The following CHAF1A variants were observed in gnomAD, a reference collection of about 807,000 sequenced individuals.
The protein encoded by CHAF1A is chromatin assembly factor 1 subunit A, also known as CAF-1 subunit A.
In CHAF1A, 5 loss-of-function variants were observed where a neutral mutation model predicts 93.2. The observed-to-expected ratio is 0.05, with a 90% CI of 0.03 to 0.11. The LOEUF is 0.11. CHAF1A is among the 10% of genes least tolerant of loss of function. The probability of loss-of-function intolerance (pLI) is 1.00; values close to 1 mark genes in which losing one functional copy is unlikely to be tolerated. For missense variants in CHAF1A, 1,102 were observed against 1,259.9 expected (o/e 0.87, Z 1.90); for synonymous variants, 504 against 510.3 (o/e 0.99, Z 0.17).
At chr19:4,450,770 A>G in the CHAF1A span, 1 of 149,842 alleles carries the variant, frequency 6.7e-6, no homozygotes, top group Non-Finnish European at 1.5e-5. Flanking sequence ...AAAAAAAAAA[A>G]AAAAAAAAAA....
chr19:4,425,544 A>G (rs1974066017), intron 7 of CHAF1A, among the ~76,000 whole-genome samples: 1 of 151,986 alleles, frequency 6.6e-6, no homozygotes, highest in Admixed American at 6.6e-5. Flanking sequence ...ACTGGGTCTC[A>G]CTGTGTTGCC....
At position 4,442,971 on chromosome 19, in the gene CHAF1A, G is replaced by A. The variant is rs200602305; in HGVS notation, c.2817G>A (p.Val939=). ...CCGCTTCCGGAGCTGGGGGTGGTGTGGGGGTGGACACCGGCAAGGCCACCC... is the reference window on the plus strand; with the variant it reads ...CCGCTTCCGGAGCTGGGGGTGGTGTAGGGGTGGACACCGGCAAGGCCACCC... ...CGAASGAGGG[V]GVDTGKATLT... Residue 939 remains valine (V), a synonymous_variant, in exon 15 of 15, where the codon GTG becomes GTA. Coordinates refer to ENST00000301280, the MANE Select transcript of CHAF1A (RefSeq NM_005483.3). The A allele has an allele frequency of 1.2e-6, 2 of 1,604,994 alleles. No homozygotes were observed. Among genetic ancestry groups the A allele is most frequent in the African/African-American group, 2.7e-5 (2 of 74,970 alleles).
intron 2 of CHAF1A, among the ~76,000 whole-genome samples, chr19:4,407,989 A>G (rs942281131): frequency 1.3e-5 from 2 of 152,046 alleles, no homozygotes; most frequent in Admixed American, 6.6e-5. Context: ...AGAAAAGGAT[A>G]GAATGAAAAG....
downstream of CHAF1A, chr19:4,447,042 C>T (rs984624938): frequency 1.0e-6 from 1 of 985,408 alleles, no homozygotes. Flanking sequence ...TGGATGGGGC[C>T]CAGCCCTGGG....
rs1322336439 is a variant in CHAF1A at position 4,429,705 on chromosome 19, C to T, written c.1774-3C>T. On this transcript the variant is annotated splice_region_variant and splice_polypyrimidine_tract_variant and intron_variant, in intron 9 of 14. Coordinates refer to ENST00000301280, the MANE Select transcript of CHAF1A (RefSeq NM_005483.3). Reference sequence around the variant, plus strand: ...TGTGAGTCCCATGTGTTTCTTTTCTCAGAAGCTCCTGGACTATGAGGTGGA... The same window carrying T: ...TGTGAGTCCCATGTGTTTCTTTTCTTAGAAGCTCCTGGACTATGAGGTGGA... The T allele has an allele frequency of 6.2e-7, 1 of 1,614,066 alleles. No individual in the cohort carries two copies. The highest frequency in any genetic ancestry group is 2.2e-5 in the East Asian group (1 of 44,872).
At chr19:4,445,988 C>A, downstream of CHAF1A, 2 of 1,537,396 alleles carry the variant, frequency 1.3e-6, no homozygotes, top group Non-Finnish European at 1.8e-6. Flanking sequence ...GTGTCTGTGC[C>A]GGTCCCAGGA....
chr19:4,411,655 T>TTTTTTTTTTTTTTTTTTTTTTC lies in CHAF1A; in HGVS notation c.960+1906_960+1907insTTTTTTTTTTTCTTTTTTTTTT, dbSNP rs1973805239. 1.5e-5 allele frequency among the ~76,000 whole-genome samples: 2 copies of TTTTTTTTTTTTTTTTTTTTTTC among 130,696 alleles called. 1 individual carries two copies. The highest frequency in any genetic ancestry group is 3.3e-5 in the Non-Finnish European group (2 of 60,290). 85.7% of individuals were successfully genotyped at this position (130,696 alleles called of 152,430 possible). On this transcript the variant is annotated intron_variant, in intron 3 of 14. Transcript: ENST00000301280. Reference sequence around the variant, plus strand: ...AAAATGGTGCAAATCTTTTTTTTTTTTTTTTTTTTTGAGACATGGTCTCAC... The same window carrying TTTTTTTTTTTTTTTTTTTTTTC: ...AAAATGGTGCAAATCTTTTTTTTTTTTTTTTTTTTTTTTTTTTTTTTCTTTTTTTTTTGAGACATGGTCTCAC...
At chr19:4,445,803 A>G, downstream of CHAF1A, 2 of 1,131,576 alleles carry the variant, frequency 1.8e-6, no homozygotes, top group Non-Finnish European at 2.4e-6. Context: ...ACCTAAGCCT[A>G]AACCTACTGC....
chr19:4,427,075 A>T (rs1453329919), intron 7 of CHAF1A, among the ~76,000 whole-genome samples: 1 of 143,674 alleles, frequency 7.0e-6, no homozygotes, highest in African/African-American at 2.5e-5. Context: ...TGCGCAATGA[A>T]GCGAGACTCC....
intron 3 of CHAF1A, among the ~76,000 whole-genome samples, chr19:4,417,017 T>C (rs558001591): frequency 1.3e-5 from 2 of 152,182 alleles, no homozygotes; most frequent in Non-Finnish European, 2.9e-5. Context: ...ATTTTTTTTT[T>C]AGACAGTCTC....
chr19:4,438,882 T>C (rs1407820306), intron 13 of CHAF1A, among the ~76,000 whole-genome samples: 1 of 151,942 alleles, frequency 6.6e-6, no homozygotes, highest in Non-Finnish European at 1.5e-5. Flanking sequence ...CTCGGGAGGC[T>C]GAGGCAGGAG....
downstream of CHAF1A, chr19:4,445,805 A>G: frequency 9.0e-7 from 1 of 1,107,598 alleles, no homozygotes; most frequent in Non-Finnish European, 1.3e-6. Flanking sequence ...CTAAGCCTAA[A>G]CCTACTGCAC....
downstream of CHAF1A, chr19:4,446,703 G>C: frequency 6.2e-7 from 1 of 1,609,978 alleles, no homozygotes; most frequent in Non-Finnish European, 8.5e-7. Context: ...TCAGCACGTA[G>C]AACTCCTCGG....
chr19:4,445,338 C>A (rs370648980), downstream of CHAF1A: 1 of 1,271,950 alleles, frequency 7.9e-7, no homozygotes, highest in Non-Finnish European at 1.1e-6. Context: ...GGCTCTGCCA[C>A]GGGGCCCAAT....
chr19:4,402,712 GGGAGCCCGCGCCTCCGCCGCCTGAGA>G lies in CHAF1A; in HGVS notation c.-46_-21del, dbSNP rs1271525002. ...GGGCGAAGAGCAGCGGCCGCCTGAG[GGGAGCCCGCGCCTCCGCCGCCTGAGA>G]GGAGGTCGAGCTGCCGCCGGGGCGA... On this transcript the variant is annotated 5_prime_UTR_variant, in exon 1 of 15. Coordinates refer to ENST00000301280, the MANE Select transcript of CHAF1A (RefSeq NM_005483.3). 4.9e-5 allele frequency: 56 copies of G among 1,151,488 alleles called. No individual in the cohort carries two copies. The highest frequency in any genetic ancestry group is 3.4e-4 in the Middle Eastern group (1 of 2,944). 71.3% of individuals were successfully genotyped at this position (1,151,488 alleles called of 1,614,324 possible).
At chr19:4,447,624 A>G, downstream of CHAF1A, 1 of 1,613,850 alleles carries the variant, frequency 6.2e-7, no homozygotes, top group Non-Finnish European at 8.5e-7. Context: ...TTGTCCAGGT[A>G]CCTGGGGTAG....
At chr19:4,427,865 G>A (rs1342075440) in intron 7 of CHAF1A, among the ~76,000 whole-genome samples, 1 of 152,170 alleles carries the variant, frequency 6.6e-6, no homozygotes, top group East Asian at 1.9e-4. Flanking sequence ...TACAATTACA[G>A]GCGTGAGCCA....
chr19:4,445,906 G>A (rs1974500567), downstream of CHAF1A: 2 of 1,350,938 alleles, frequency 1.5e-6, no homozygotes, highest in African/African-American at 2.9e-5. Context: ...CCAGTAAGTG[G>A]GAAAGCAGGA....
intron 3 of CHAF1A, 130 bp downstream of exon 3, chr19:4,409,889 C>T (rs1016890826): frequency 2.2e-5 from 22 of 1,012,314 alleles, no homozygotes; most frequent in Middle Eastern, 3.1e-4. Context: ...TGGGACTCGA[C>T]GTGGAGTTCT....
Sources: gnomAD v4.1 joint callset for allele counts (sites outside exome capture counted in the v4.1 genomes callset) on GRCh38, gnomAD v4.1.1 for gene constraint, MANE v1.5 for transcripts, NCBI Gene and HGNC (gene_info 2026-07-23, HGNC 2026-07-21) for gene names.